PRKDC: variants seen among roughly 807,000 people sequenced by gnomAD.
PRKDC encodes protein kinase, DNA-activated, catalytic subunit, also known as DNA-dependent protein kinase catalytic subunit.
A neutral mutation model predicts 486.9 loss-of-function variants in PRKDC; 82 were observed. That is an observed-to-expected ratio of 0.17 (90% CI 0.14 to 0.20). PRKDC has a LOEUF of 0.20. Among genes scored for constraint, PRKDC ranks in the 10% least tolerant of loss-of-function variants. The probability of loss-of-function intolerance (pLI) is 1.00; values close to 1 mark genes in which losing one functional copy is unlikely to be tolerated. For synonymous variants in PRKDC, 1,895 were observed against 1,837.0 expected (o/e 1.03, Z -0.81); for missense variants, 4,504 against 5,038.2 (o/e 0.89, Z 3.21).
intron 81 of PRKDC, 39 bp downstream of exon 81, chr8:47,778,965 G>A: frequency 6.7e-7 from 1 of 1,497,372 alleles, no homozygotes; most frequent in South Asian, 1.3e-5. Flanking sequence ...GCAGAAGAAT[G>A]AACTAACTAA....
chr8:47,918,648 A>T (rs1589792028), intron 21 of PRKDC, among the ~76,000 whole-genome samples: 1 of 152,216 alleles, frequency 6.6e-6, no homozygotes, highest in East Asian at 1.9e-4. Context: ...AGTGGCTCCC[A>T]CGCATCACAC....
chr8:47,810,510 G>A (rs932702705), intron 68 of PRKDC, among the ~76,000 whole-genome samples: 5 of 152,048 alleles, frequency 3.3e-5, no homozygotes, highest in Non-Finnish European at 5.9e-5. Context: ...GATAAGAAGC[G>A]ACTACTATAT....
At chr8:47,936,957 T>C (rs1403655315) in intron 11 of PRKDC, among the ~76,000 whole-genome samples, 1 of 148,726 alleles carries the variant, frequency 6.7e-6, no homozygotes, top group Non-Finnish European at 1.5e-5. Flanking sequence ...AATACAGATA[T>C]AAAATACAGT....
rs562541037 is a variant in PRKDC, at chr8:47,896,815, C to T, written c.3598+346G>A. Among the ~76,000 whole-genome samples the T allele has an allele frequency of 3.3e-5, 5 of 152,294 alleles. No homozygotes were observed. In the East Asian group the frequency reaches 9.6e-4, roughly 29 times the overall value. ...CTTCCCCACTCCCAAGCTATCAAACCTAGGTTTGGACTTAATGGACAAAAC... is the reference window on the plus strand; with the variant it reads ...CTTCCCCACTCCCAAGCTATCAAACTTAGGTTTGGACTTAATGGACAAAAC... On this transcript the variant is annotated intron_variant, in intron 30 of 85. Transcript: ENST00000314191.
chr8:47,911,821 G>C (rs1326825007), intron 25 of PRKDC, among the ~76,000 whole-genome samples: 1 of 151,712 alleles, frequency 6.6e-6, no homozygotes, highest in Non-Finnish European at 1.5e-5. Context: ...CCAAACTAGA[G>C]TGCAGTGGCG....
Position 47,935,805 on chromosome 8 carries a change from G to C in PRKDC, c.1374C>G (p.Cys458Trp). The C allele has an allele frequency of 6.2e-7, 1 of 1,613,980 alleles. No homozygotes were observed. Among genetic ancestry groups the C allele is most frequent in the East Asian group, 2.2e-5 (1 of 44,882 alleles). The change falls in exon 13 of 86, where the codon TGC (cysteine) becomes TGG (tryptophan). Residue 458 changes from cysteine to tryptophan, a missense_variant. Around this residue, in one of 6 missense-constraint regions of PRKDC, gnomAD observed 1,969 missense variants for 2,068.9 expected, o/e 0.95. Transcript: ENST00000314191. ...CTAGGAACACCTTCACTATGGCTCT[G>C]CAACACACCAGCTGCATTTTTGGAC... ...QYSPKMQLVC[C>W]RAIVKVFLAL... is the part of the protein sequence containing the mutation.
At chr8:47,833,285 A>G (rs553606894) in intron 59 of PRKDC, among the ~76,000 whole-genome samples, 1 of 152,218 alleles carries the variant, frequency 6.6e-6, no homozygotes, top group Non-Finnish European at 1.5e-5. Flanking sequence ...CGATTAGATA[A>G]GAAGGCAGGG....
chr8:47,829,295 C>A (rs1589725914), intron 61 of PRKDC, among the ~76,000 whole-genome samples: 1 of 151,990 alleles, frequency 6.6e-6, no homozygotes, highest in Admixed American at 6.5e-5. Flanking sequence ...AATGATAATC[C>A]ATTTTTGATG....
At chr8:47,850,557 C>A (rs1299758235) in intron 52 of PRKDC, among the ~76,000 whole-genome samples, 2 of 152,088 alleles carry the variant, frequency 1.3e-5, no homozygotes, top group Non-Finnish European at 2.9e-5. Context: ...TTAAGGAAAA[C>A]CCTTAACACA....
chr8:47,947,948 C>G (rs893475144), intron 7 of PRKDC, among the ~76,000 whole-genome samples: 1 of 151,648 alleles, frequency 6.6e-6, no homozygotes, highest in African/African-American at 2.4e-5. Flanking sequence ...GACATGGTGG[C>G]ATGCACCTAT....
At chr8:47,955,021 G>A (rs1395672070) in intron 4 of PRKDC, among the ~76,000 whole-genome samples, 2 of 151,962 alleles carry the variant, frequency 1.3e-5, no homozygotes, top group Non-Finnish European at 2.9e-5. Context: ...AGGCATGGTG[G>A]CACATGCCTG....
At chr8:47,932,361 G>C (rs2090272156) in intron 16 of PRKDC, among the ~76,000 whole-genome samples, 1 of 152,134 alleles carries the variant, frequency 6.6e-6, no homozygotes, top group Admixed American at 6.5e-5. Flanking sequence ...GGGATTACAG[G>C]CATGAGCCAC....
chr8:47,959,914 C>T, intron 1 of PRKDC, 59 bp downstream of exon 1: 1 of 1,520,180 alleles, frequency 6.6e-7, no homozygotes, highest in South Asian at 1.2e-5. Flanking sequence ...GGCTGCCCGG[C>T]TCCAGAACGA....
Position 47,788,934 on chromosome 8 carries a change from A to G in PRKDC, c.10874T>C (p.Leu3625Pro), listed in dbSNP as rs750244294. 1.6e-5 allele frequency: 26 copies of G among 1,605,152 alleles called. No homozygotes were observed. Among genetic ancestry groups the G allele is most frequent in the Non-Finnish European group, 2.1e-5 (25 of 1,177,216 alleles). ...AATAAACTTCCTTCTAAAGGCCCCCAGGCCTGGAGCCTTTGGGTCACCCAA... is the reference window on the plus strand; with the variant it reads ...AATAAACTTCCTTCTAAAGGCCCCCGGGCCTGGAGCCTTTGGGTCACCCAA... The part of the protein sequence containing the change: ...AALGDPKAPG[L>P]GAFRRKFIQT... The change falls in exon 76 of 86, where the codon CTG becomes CCG. Residue 3625 changes from leucine (L) to proline (P), a missense_variant. This residue lies in a region of PRKDC where 706 missense variants were observed against 945.0 expected (regional missense o/e 0.75). Coordinates refer to ENST00000314191, the MANE Select transcript of PRKDC (RefSeq NM_006904.7).
rs763351081 is a variant in PRKDC, at chr8:47,821,748, G to A, written c.8967C>T (p.Ala2989=). 9 of 1,593,444 alleles carry A rather than the reference G, an allele frequency of 5.6e-6. No individual in the cohort carries two copies. Among genetic ancestry groups the A allele is most frequent in the African/African-American group, 2.7e-5 (2 of 74,236 alleles). ...QDWVDGEPTE[A]EKDFWELASL... ...ATGCAAGTTCCCAAAAATCCTTCTC[G>A]GCTTCTGTGGGCTCACCATCTACCC... is the stretch of plus-strand genomic sequence containing the variant. The change falls in exon 65 of 86, where the codon GCC becomes GCT. Residue 2989 remains alanine, a synonymous_variant. Coordinates refer to ENST00000314191, the MANE Select transcript of PRKDC (RefSeq NM_006904.7).
At chr8:47,856,222 G>T (rs535523696) in intron 49 of PRKDC, among the ~76,000 whole-genome samples, 4 of 151,982 alleles carry the variant, frequency 2.6e-5, no homozygotes, top group African/African-American at 7.2e-5. Flanking sequence ...TTTTTGTGGT[G>T]GGGGGGTGGT....
chr8:47,909,636 T>C (rs1397808858), intron 25 of PRKDC, among the ~76,000 whole-genome samples: 2 of 152,188 alleles, frequency 1.3e-5, no homozygotes, highest in Non-Finnish European at 2.9e-5. Flanking sequence ...AGAAAGCCTA[T>C]AGACGGATGT....
intron 45 of PRKDC, among the ~76,000 whole-genome samples, chr8:47,859,995 A>C (rs1340525635): frequency 6.6e-6 from 1 of 152,220 alleles, no homozygotes; most frequent in Non-Finnish European, 1.5e-5. Flanking sequence ...GGAAATTGTT[A>C]TACTGGTCCA....
At chr8:47,887,379 T>C (rs1412636309) in intron 35 of PRKDC, among the ~76,000 whole-genome samples, 168 bp downstream of exon 35, 1 of 152,224 alleles carries the variant, frequency 6.6e-6, no homozygotes, top group Non-Finnish European at 1.5e-5. Flanking sequence ...CTTTTTTTTT[T>C]TAACTATTGA....
Sources: allele counts gnomAD v4.1 joint callset (sites outside exome capture counted in the v4.1 genomes callset), GRCh38; gene constraint gnomAD v4.1.1; regional missense constraint gnomAD v4.1.1; transcripts MANE v1.5; gene names NCBI Gene and HGNC (gene_info 2026-07-23, HGNC 2026-07-21).